CRADD: variants seen among roughly 807,000 people sequenced by gnomAD.
CRADD encodes the protein death domain-containing protein CRADD.
CRADD carries 9 observed loss-of-function variants against 15.5 expected under a neutral mutation model. The observed-to-expected ratio is 0.58, with a 90% CI of 0.35 to 1.01. CRADD has a LOEUF of 1.01. Ranked by LOEUF, CRADD falls within the 50% of genes least tolerant of loss-of-function variation. The pLI, the probability that CRADD is intolerant of heterozygous loss-of-function variation, is 0.02. For synonymous variants in CRADD, 118 were observed against 107.6 expected (o/e 1.10, Z -0.60); for missense variants, 227 against 250.3 (o/e 0.91, Z 0.63).
At chr12:93,685,912 G>A (rs1396565278) in intron 2 of CRADD, among the ~76,000 whole-genome samples, 1 of 152,128 alleles carries the variant, frequency 6.6e-6, no homozygotes, top group African/African-American at 2.4e-5. Flanking sequence ...AGAATCGCTT[G>A]AACCTGGCAG....
chr12:93,845,578 A>ATATATTTT (rs11474114), intron 2 of CRADD, among the ~76,000 whole-genome samples: 3 of 77,374 alleles, frequency 3.9e-5, no homozygotes, highest in East Asian at 7.2e-4. Flanking sequence ...ATATATATAT[A>ATATATTTT]TTTTTAATAA....
intron 2 of CRADD, among the ~76,000 whole-genome samples, chr12:93,727,622 C>T (rs1317156260): frequency 6.6e-6 from 1 of 152,168 alleles, no homozygotes; most frequent in Non-Finnish European, 1.5e-5. Flanking sequence ...CAGCTGGACA[C>T]TGATGTCCTT....
intron 2 of CRADD, among the ~76,000 whole-genome samples, chr12:93,716,257 G>A (rs2136875964): frequency 6.6e-6 from 1 of 152,214 alleles, no homozygotes; most frequent in Non-Finnish European, 1.5e-5. Context: ...AATATTGGGT[G>A]GAAAGTATGA....
intron 2 of CRADD, among the ~76,000 whole-genome samples, chr12:93,871,287 T>C (rs1294717087): frequency 6.6e-6 from 1 of 152,198 alleles, no homozygotes; most frequent in Non-Finnish European, 1.5e-5. Context: ...AATCTTTGTT[T>C]ATCTTGCCTC....
chr12:93,877,774 T>A (rs904448063), intron 2 of CRADD, among the ~76,000 whole-genome samples: 4 of 152,136 alleles, frequency 2.6e-5, no homozygotes, highest in African/African-American at 9.6e-5. Context: ...CCAGGACAGG[T>A]CCAGAAATGC....
intron 2 of CRADD, among the ~76,000 whole-genome samples, chr12:93,725,159 C>G (rs796510591): frequency 7.0e-4 from 106 of 152,270 alleles, no homozygotes; most frequent in African/African-American, 2.4e-3. Context: ...CACGCCCGGC[C>G]CAGACTTATT....
At chr12:93,799,364 AC>A (rs1364719677) in intron 2 of CRADD, among the ~76,000 whole-genome samples, 2 of 152,148 alleles carry the variant, frequency 1.3e-5, no homozygotes, top group Non-Finnish European at 2.9e-5. Flanking sequence ...TTATATTGTA[AC>A]CCAGCACACA....
chr12:93,813,817 G>C (rs1957656997), intron 2 of CRADD, among the ~76,000 whole-genome samples: 1 of 152,076 alleles, frequency 6.6e-6, no homozygotes, highest in Non-Finnish European at 1.5e-5. Flanking sequence ...CGAGGAAACG[G>C]AAAGAGTCTA....
chr12:93,697,653 T>C (rs1461966193), intron 2 of CRADD, among the ~76,000 whole-genome samples: 1 of 152,228 alleles, frequency 6.6e-6, no homozygotes, highest in East Asian at 1.9e-4. Flanking sequence ...AAATGAATCA[T>C]CTTAACATTT....
intron 2 of CRADD, among the ~76,000 whole-genome samples, chr12:93,741,135 A>T (rs1956660076): frequency 6.6e-6 from 1 of 152,222 alleles, no homozygotes. Context: ...TGTCATTAGA[A>T]CAGAAATATT....
intron 2 of CRADD, among the ~76,000 whole-genome samples, chr12:93,804,988 G>A (rs963639211): frequency 4.6e-5 from 7 of 152,052 alleles, no homozygotes; most frequent in Admixed American, 1.3e-4. Flanking sequence ...TGAGTAAGCC[G>A]AGTATAATAG....
intron 2 of CRADD, among the ~76,000 whole-genome samples, chr12:93,889,806 G>C (rs2137078821): frequency 6.6e-6 from 1 of 152,318 alleles, no homozygotes; most frequent in East Asian, 1.9e-4. Context: ...GCTGACCCCG[G>C]AAATCATGGT....
chr12:93,714,901 G>A (rs973783923), intron 2 of CRADD: 1 of 152,142 alleles, frequency 6.6e-6, no homozygotes, highest in Non-Finnish European at 1.5e-5. Context: ...TAGACTCTAC[G>A]ATTGAGACAA....
chr12:93,682,683 G>A lies in CRADD; in HGVS notation c.298+3611G>A, dbSNP rs571312488. ...CTGGATGTAATTTGTTTAGAGAATT[G>A]AGCTGTATCTTGTTCTTCTCTACTC... On this transcript the variant is annotated intron_variant, in intron 2 of 2. Transcript: ENST00000332896. 3.3e-5 allele frequency among the ~76,000 whole-genome samples: 5 copies of A among 152,154 alleles called. No individual in the cohort carries two copies. The East Asian group carries it at 9.7e-4, about 29-fold the overall frequency.
chr12:93,885,634 G>C (rs80326523), intron 2 of CRADD, among the ~76,000 whole-genome samples: 1 of 152,302 alleles, frequency 6.6e-6, no homozygotes, highest in East Asian at 1.9e-4. Context: ...TAATAAGCTT[G>C]TGTGATCTGG....
intron 2 of CRADD, among the ~76,000 whole-genome samples, chr12:93,776,241 A>G (rs1957139217): frequency 6.6e-6 from 1 of 152,188 alleles, no homozygotes; most frequent in South Asian, 2.1e-4. Flanking sequence ...ATCGAACAGT[A>G]TTTAAATTTA....
At chr12:93,755,983 A>G (rs1397598499) in intron 2 of CRADD, among the ~76,000 whole-genome samples, 1 of 152,212 alleles carries the variant, frequency 6.6e-6, no homozygotes, top group Non-Finnish European at 1.5e-5. Context: ...GAACAATTCT[A>G]AAGAAAGCAG....
intron 2 of CRADD, among the ~76,000 whole-genome samples, chr12:93,749,554 T>TTAGATG (rs1956807586): frequency 6.6e-6 from 1 of 151,280 alleles, no homozygotes. Flanking sequence ...TTCCCTTGTT[T>TTAGATG]TTAACTCACT....
chr12:93,822,452 A>C (rs1389102343), intron 2 of CRADD, among the ~76,000 whole-genome samples: 2 of 152,174 alleles, frequency 1.3e-5, no homozygotes, highest in African/African-American at 4.8e-5. Flanking sequence ...TACCACAGTG[A>C]ATTGTTGCCA....
Sources: gnomAD v4.1 joint callset for allele counts (sites outside exome capture counted in the v4.1 genomes callset) on GRCh38, gnomAD v4.1.1 for gene constraint, MANE v1.5 for transcripts, NCBI Gene and HGNC (gene_info 2026-07-23, HGNC 2026-07-21) for gene names.